ADGRA2: variants seen among roughly 807,000 people sequenced by gnomAD.
ADGRA2 encodes the protein adhesion G protein-coupled receptor A2.
ADGRA2 carries 61 observed loss-of-function variants against 98.7 expected under a neutral mutation model. The observed-to-expected ratio is 0.62, with a 90% CI of 0.50 to 0.76. The LOEUF is 0.76. Among genes scored for constraint, ADGRA2 ranks in the 30% least tolerant of loss-of-function variants. The pLI is 0.00. For missense variants in ADGRA2, 1,712 were observed against 1,860.0 expected (o/e 0.92, Z 1.46); for synonymous variants, 858 against 831.5 (o/e 1.03, Z -0.55).
chr8:37,809,758 A>C (rs1222537403), intron 1 of ADGRA2, among the ~76,000 whole-genome samples: 1 of 152,026 alleles, frequency 6.6e-6, no homozygotes, highest in East Asian at 1.9e-4. Context: ...GCTGCCCCCC[A>C]CTCAACTCAG....
rs889938188 is a variant in ADGRA2, at chr8:37,828,549, C to T, written c.339-339C>T. 9.9e-5 allele frequency among the ~76,000 whole-genome samples: 14 copies of T among 141,816 alleles called. No homozygotes were observed. The South Asian group carries it at 1.8e-3, about 18-fold the overall frequency. 93.0% of individuals were successfully genotyped at this position (141,816 alleles called of 152,430 possible). The stretch of plus-strand genomic sequence containing the variant: ...TCGCCCAGGCTGGAGTGCAGTGGCG[C>T]GATCTTGGCTCCCTGCAGCCTCCGC... On this transcript the variant is annotated intron_variant, in intron 2 of 18. Transcript: ENST00000412232.
chr8:37,804,227 G>A (rs1343805296), intron 1 of ADGRA2, among the ~76,000 whole-genome samples: 1 of 152,088 alleles, frequency 6.6e-6, no homozygotes, highest in Non-Finnish European at 1.5e-5. Context: ...GTCTGTGCAG[G>A]TGGGAACCTA....
chr8:37,804,416 G>T (rs2129905131), intron 1 of ADGRA2, among the ~76,000 whole-genome samples: 1 of 152,356 alleles, frequency 6.6e-6, no homozygotes, highest in Middle Eastern at 3.4e-3. Flanking sequence ...CCACTCTGCT[G>T]ATGGCAAGGG....
intron 2 of ADGRA2, among the ~76,000 whole-genome samples, chr8:37,822,789 G>A (rs957968714): frequency 5.3e-5 from 8 of 152,138 alleles, no homozygotes; most frequent in East Asian, 1.9e-4. Context: ...GTTATAGCAC[G>A]TATCAGCACT....
chr8:37,813,037 T>TG (rs938270941), intron 1 of ADGRA2, among the ~76,000 whole-genome samples: 1 of 151,890 alleles, frequency 6.6e-6, no homozygotes, highest in Non-Finnish European at 1.5e-5. Flanking sequence ...GGGCATGAAC[T>TG]GGGGGTGGAG....
rs752892514 is a variant in ADGRA2, at chr8:37,840,844, C to T, written c.2742C>T (p.Ser914=). The T allele has an allele frequency of 1.3e-6, 2 of 1,589,248 alleles. No individual in the cohort carries two copies. The highest frequency in any genetic ancestry group is 8.6e-7 in the Non-Finnish European group (1 of 1,158,824). Residue 914 remains serine, a synonymous_variant, in exon 18 of 19, where the codon AGC becomes AGT. Coordinates refer to ENST00000412232, the MANE Select transcript of ADGRA2 (RefSeq NM_032777.10). ...ACATCCACAACTACCGGGACCACAG[C>T]CCCTAGTGAGCACCCCTCCCTCCCG... ...AVNIHNYRDH[S]PYCWLVWRPS... is the part of the protein sequence containing the mutation.
In ADGRA2 at chr8:37,841,814, C is replaced by G; in HGVS notation, c.3476C>G (p.Pro1159Arg). 1.3e-6 allele frequency: 2 copies of G among 1,530,264 alleles called. No individual in the cohort carries two copies. The highest frequency in any genetic ancestry group is 2.0e-5 in the Admixed American group (1 of 50,310). The allele number at this position is 1,530,264 out of a possible 1,614,324, so 94.8% of individuals were successfully genotyped here. A position where few individuals can be genotyped will look rare whatever the true frequency, so the allele number is the denominator to read the frequency against. The change falls in exon 19 of 19, where the codon CCG becomes CGG. Residue 1159 changes from proline (P) to arginine (R), a missense_variant. Physicochemically the swap from Pro to Arg is moderately radical, Grantham distance 103 (BLOSUM62 -2). Transcript: ENST00000412232. The surrounding 1 kb of genome is among the most constrained non-coding windows in gnomAD (Gnocchi z 5.0). The part of the protein sequence containing the change: ...AGAAAGGEGE[P>R]EPAGTRGNLA... ...GCGGCGGCCGGCGGGGAAGGAGAGCCGGAGCCGGCGGGCACCCGGGGAAAC... is the reference window on the plus strand; with the variant it reads ...GCGGCGGCCGGCGGGGAAGGAGAGCGGGAGCCGGCGGGCACCCGGGGAAAC...
In ADGRA2 at chr8:37,840,258, T is replaced by C. The variant is rs150929570; in HGVS notation, c.2649T>C (p.Pro883=). 1.1e-5 allele frequency: 17 copies of C among 1,612,134 alleles called. No homozygotes were observed. Among genetic ancestry groups the C allele is most frequent in the Admixed American group, 5.0e-5 (3 of 59,998 alleles). Residue 883 remains proline (P), a synonymous_variant, in exon 17 of 19, where the codon CCT becomes CCC. Coordinates refer to ENST00000412232, the MANE Select transcript of ADGRA2 (RefSeq NM_032777.10). The part of the protein sequence containing the change: ...EGDPALPTPS[P]MLRFYLIAGG... ...ACCCCGCTCTGCCTACTCCCAGTCCTATGCTCCGGTACATACTTTCAATTC... is the reference window on the plus strand; with the variant it reads ...ACCCCGCTCTGCCTACTCCCAGTCCCATGCTCCGGTACATACTTTCAATTC...
Position 37,842,524 on chromosome 8 carries a change from G to A in ADGRA2, c.*169G>A. ...CTTGCCTAGAGGGCATCCCTCTGGG[G>A]TAGCGACAGACAATCCCAGAAACAC... On this transcript the variant is annotated 3_prime_UTR_variant, in exon 19 of 19. Transcript: ENST00000412232. 1.8e-6 allele frequency: 2 copies of A among 1,137,360 alleles called. No homozygotes were observed. The highest frequency in any genetic ancestry group is 2.3e-6 in the Non-Finnish European group (2 of 861,520). The allele number at this position is 1,137,360 out of a possible 1,614,324, so 70.5% of individuals were successfully genotyped here. A position where few individuals can be genotyped will look rare whatever the true frequency, so the allele number is the denominator to read the frequency against.
rs1389006718 is a variant in ADGRA2, at chr8:37,829,266, T to G, written c.416T>G (p.Leu139Arg). 1 of 1,613,136 alleles carries G rather than the reference T, an allele frequency of 6.2e-7. No individual in the cohort carries two copies. Among genetic ancestry groups the G allele is most frequent in the Non-Finnish European group, 8.5e-7 (1 of 1,179,568 alleles). Residue 139 changes from leucine to arginine, a missense_variant, in exon 4 of 19, where the codon CTC becomes CGC. Leu to Arg is a moderately radical substitution (Grantham distance 102, BLOSUM62 -2). Transcript: ENST00000412232. ...LGLGELKRLD[L>R]SNNRIGCLTS... ...GGTTGCCTGTGTCTCTCTAGAGATC[T>G]CTCCAACAACCGGATTGGCTGTCTC...
intron 2 of ADGRA2, among the ~76,000 whole-genome samples, chr8:37,828,269 T>C (rs549027514): frequency 6.6e-6 from 1 of 152,280 alleles, no homozygotes; most frequent in Non-Finnish European, 1.5e-5. Flanking sequence ...TTTCAAATGC[T>C]TCCCAGGGCA....
chr8:37,839,718 G>T (rs1391943815), intron 16 of ADGRA2, 96 bp downstream of exon 16: 5 of 1,475,132 alleles, frequency 3.4e-6, no homozygotes, highest in Non-Finnish European at 4.6e-6. Flanking sequence ...AAAGGCTGGT[G>T]CTCATAGGCC....
Position 37,830,657 on chromosome 8 carries a change from C to A in ADGRA2, c.719-53C>A. On this transcript the variant is annotated intron_variant, in intron 6 of 18. Transcript: ENST00000412232. The surrounding 1 kb of genome is among the most constrained non-coding windows in gnomAD (Gnocchi z 4.8). ...CCTGCTGGACTCTCGCTCACACGTG[C>A]AGCCTCACATGCGTGTGCACTCGGG... 5.7e-6 allele frequency: 4 copies of A among 705,616 alleles called. No homozygotes were observed. The highest frequency in any genetic ancestry group is 6.3e-5 in the East Asian group (1 of 15,844). 43.7% of individuals were successfully genotyped at this position (705,616 alleles called of 1,614,324 possible).
At position 37,797,543 on chromosome 8, in the gene ADGRA2, C is replaced by G; in HGVS notation, c.266+9C>G. The G allele has an allele frequency of 7.3e-7, 1 of 1,379,026 alleles. No homozygotes were observed. Among genetic ancestry groups the G allele is most frequent in the Non-Finnish European group, 9.4e-7 (1 of 1,060,998 alleles). 85.4% of individuals were successfully genotyped at this position (1,379,026 alleles called of 1,614,324 possible). On this transcript the variant is annotated intron_variant, in intron 1 of 18. Coordinates refer to ENST00000412232, the MANE Select transcript of ADGRA2 (RefSeq NM_032777.10). This position sits in a 1 kb window ranked among gnomAD's most constrained non-coding sequence, Gnocchi z 5.3. ...AACGGCACCGTTACCCTGTGAGTAC[C>G]CTACCAGGCCAGTTCCGTCCGAGCC...
At chr8:37,836,977 C>T (rs188293929) in intron 13 of ADGRA2, among the ~76,000 whole-genome samples, 4 of 152,340 alleles carry the variant, frequency 2.6e-5, no homozygotes, top group East Asian at 3.9e-4. Context: ...CAGACAGTTA[C>T]GGCTGTGTCC....
chr8:37,840,890 C>T (rs375536884), intron 18 of ADGRA2, 41 bp downstream of exon 18: 64 of 812,752 alleles, frequency 7.9e-5, no homozygotes, highest in Admixed American at 6.0e-4. Flanking sequence ...ACCTACCTAA[C>T]ACCAGATGCC....
At chr8:37,808,952 G>A (rs1217564121) in intron 1 of ADGRA2, among the ~76,000 whole-genome samples, 1 of 152,030 alleles carries the variant, frequency 6.6e-6, no homozygotes, top group Admixed American at 6.6e-5. Flanking sequence ...AGCCTCCAGA[G>A]TAGCTGGGAT....
intron 1 of ADGRA2, among the ~76,000 whole-genome samples, chr8:37,811,456 A>G (rs9692672): frequency 0.049 from 6,735 of 136,886 alleles, 586 homozygotes; most frequent in African/African-American, 0.17. Context: ...ACAGATGTAA[A>G]CCACTGCACC....
chr8:37,827,772 G>A (rs560338586), intron 2 of ADGRA2, among the ~76,000 whole-genome samples: 3 of 152,166 alleles, frequency 2.0e-5, no homozygotes, highest in Admixed American at 2.0e-4. Context: ...CCTGGGCCTC[G>A]GCCAGCCGCC....
Sources: gnomAD v4.1 joint callset for allele counts (sites outside exome capture counted in the v4.1 genomes callset) on GRCh38, gnomAD v4.1.1 for gene constraint, Gnocchi (gnomAD v3.1) non-coding constraint, MANE v1.5 for transcripts, NCBI Gene and HGNC (gene_info 2026-07-23, HGNC 2026-07-21) for gene names.